CR1L: variants seen among roughly 807,000 people sequenced by gnomAD.
CR1L encodes complement component receptor 1-like protein.
A neutral mutation model predicts 62.3 loss-of-function variants in CR1L; 59 were observed. The observed-to-expected ratio is 0.95, with a 90% confidence interval of 0.77 to 1.18. CR1L has a LOEUF of 1.18. Among genes scored for constraint, CR1L ranks in the 50% most tolerant of loss-of-function variants. The pLI is 0.00. For synonymous variants in CR1L, 279 were observed against 248.7 expected (o/e 1.12, Z -1.15); for missense variants, 700 against 702.8 (o/e 1.00, Z 0.04).
At position 207,709,294 on chromosome 1, in the gene CR1L, T is replaced by C. The variant is rs143102859; in HGVS notation, c.1414+1031T>C. 6.3e-3 allele frequency: 979 copies of C among 156,026 alleles called. 6 individuals carry two copies. The highest frequency in any genetic ancestry group is 0.021 in the African/African-American group (881 of 41,546). 9.7% of individuals were successfully genotyped at this position (156,026 alleles called of 1,614,324 possible). Reference sequence around the variant, plus strand: ...TGGCACACGCCTGTAGTCCCAACTATTCGGGAGACTGAGAGGTGGGAGGAT... The same window carrying C: ...TGGCACACGCCTGTAGTCCCAACTACTCGGGAGACTGAGAGGTGGGAGGAT... On this transcript the variant is annotated intron_variant, in intron 10 of 11. Coordinates refer to ENST00000508064, the MANE Select transcript of CR1L (RefSeq NM_175710.2).
chr1:207,645,447 C>G, intron 1 of CR1L, 117 bp downstream of exon 1: 1 of 1,196,272 alleles, frequency 8.4e-7, no homozygotes, highest in East Asian at 2.4e-5. Context: ...GGATAGAGAG[C>G]GAGGCCAGGG....
intron 4 of CR1L, among the ~76,000 whole-genome samples, chr1:207,689,815 T>A (rs1663969116): frequency 6.6e-6 from 1 of 152,082 alleles, no homozygotes; most frequent in Non-Finnish European, 1.5e-5. Flanking sequence ...TATTATTTTA[T>A]ATCGTATTGA....
At position 207,717,623 on chromosome 1, in the gene CR1L, C is replaced by A; in HGVS notation, c.1574C>A (p.Thr525Lys). The A allele has an allele frequency of 6.2e-7, 1 of 1,613,974 alleles. No homozygotes were observed. The highest frequency in any genetic ancestry group is 8.5e-7 in the Non-Finnish European group (1 of 1,179,880). ...ATTGGGGAGAGCACCATCCGCCGCA[C>A]AAGTGAACCTCATGGGAATGGGGTT... is the stretch of plus-strand genomic sequence containing the variant. ...NLIGESTIRRTSEPHGNGVWS... is the reference protein window; with the variant it reads ...NLIGESTIRRKSEPHGNGVWS... Residue 525 changes from threonine to lysine, a missense_variant, in exon 11 of 12, where the codon ACA becomes AAA. By Grantham distance (78) the Thr-to-Lys change is moderately conservative. Coordinates refer to ENST00000508064, the MANE Select transcript of CR1L (RefSeq NM_175710.2).
At chr1:207,685,276 C>A (rs189255829) in intron 4 of CR1L, among the ~76,000 whole-genome samples, 3 of 152,168 alleles carry the variant, frequency 2.0e-5, no homozygotes, top group African/African-American at 7.2e-5. Flanking sequence ...CTTTTGACTG[C>A]GTAGCATGGT....
intron 4 of CR1L, among the ~76,000 whole-genome samples, chr1:207,687,078 C>T (rs372680424): frequency 1.1e-4 from 17 of 152,294 alleles, no homozygotes; most frequent in South Asian, 8.3e-4. Flanking sequence ...CAATTAATTC[C>T]GGAACACTTT....
intron 4 of CR1L, among the ~76,000 whole-genome samples, chr1:207,688,800 A>C (rs1663951881): frequency 6.6e-6 from 1 of 152,080 alleles, no homozygotes; most frequent in African/African-American, 2.4e-5. Context: ...ATCTTTCATT[A>C]TCTTTATTAC....
chr1:207,711,830 C>T (rs370017798), intron 10 of CR1L, among the ~76,000 whole-genome samples: 38 of 149,318 alleles, frequency 2.5e-4, no homozygotes, highest in African/African-American at 6.2e-4. Flanking sequence ...ACCTGGGACG[C>T]GGAGGTTGCA....
At chr1:207,655,298 T>G in intron 1 of CR1L, 2 of 623,980 alleles carry the variant, frequency 3.2e-6, no homozygotes, top group African/African-American at 3.8e-5. Flanking sequence ...TTTTTTTTTT[T>G]TTTTTAATTC....
intron 11 of CR1L, among the ~76,000 whole-genome samples, chr1:207,722,136 G>A (rs1377326745): frequency 2.6e-5 from 2 of 78,232 alleles, no homozygotes; most frequent in Admixed American, 1.8e-4. Flanking sequence ...CTCCCATTTT[G>A]TAGGTTGCCT....
chr1:207,717,069 T>A (rs1452048891), intron 10 of CR1L, among the ~76,000 whole-genome samples: 2 of 152,236 alleles, frequency 1.3e-5, no homozygotes, highest in Non-Finnish European at 2.9e-5. Flanking sequence ...TTCATAGATT[T>A]CCTTGGAACT....
intron 1 of CR1L, among the ~76,000 whole-genome samples, chr1:207,663,249 C>G (rs1439020134): frequency 6.6e-6 from 1 of 152,204 alleles, no homozygotes; most frequent in Admixed American, 6.5e-5. Flanking sequence ...AGAGGTGGAG[C>G]CTACAGAGGC....
intron 1 of CR1L, among the ~76,000 whole-genome samples, chr1:207,648,442 G>C (rs1663169898): frequency 6.6e-6 from 1 of 152,184 alleles, no homozygotes; most frequent in Admixed American, 6.5e-5. Context: ...GCTAGGCAGA[G>C]AGAATACATG....
At chr1:207,697,952 G>T in intron 7 of CR1L, 79 bp downstream of exon 7, 1 of 1,592,706 alleles carries the variant, frequency 6.3e-7, no homozygotes, top group Non-Finnish European at 8.6e-7. Flanking sequence ...ATTTGATGTG[G>T]CTTAAAAAAA....
intron 3 of CR1L, among the ~76,000 whole-genome samples, chr1:207,680,479 A>ACAAAGAT (rs1663778004): frequency 6.6e-6 from 1 of 152,162 alleles, no homozygotes; most frequent in African/African-American, 2.4e-5. Flanking sequence ...AGTAAAGTGT[A>ACAAAGAT]CCTGGGATCT....
chr1:207,715,417 T>C, intron 10 of CR1L: 2 of 1,443,246 alleles, frequency 1.4e-6, no homozygotes, highest in Non-Finnish European at 1.9e-6. Context: ...AAGAACTACG[T>C]AGTTTGGATA....
rs1663332816 is a variant in CR1L, at chr1:207,657,325, C to T, written c.97+11995C>T. 3 of 1,021,380 alleles carry T rather than the reference C, an allele frequency of 2.9e-6. No individual in the cohort carries two copies. In the East Asian group the frequency reaches 7.1e-5, roughly 24 times the overall value. 63.3% of individuals were successfully genotyped at this position (1,021,380 alleles called of 1,614,324 possible). ...ATGCTGCTCCAGAGTGTAAAAGTCACCTTTCAATTTATTTCCTTCTTCATC... is the reference window on the plus strand; with the variant it reads ...ATGCTGCTCCAGAGTGTAAAAGTCATCTTTCAATTTATTTCCTTCTTCATC... On this transcript the variant is annotated intron_variant, in intron 1 of 11. Transcript: ENST00000508064.
At chr1:207,663,427 G>T (rs959712219) in intron 1 of CR1L, among the ~76,000 whole-genome samples, 2 of 152,248 alleles carry the variant, frequency 1.3e-5, no homozygotes, top group Admixed American at 1.3e-4. Flanking sequence ...CTCCGTGGGC[G>T]TAGGACCCTC....
At chr1:207,669,616 G>A in intron 1 of CR1L, 3 of 1,142,076 alleles carry the variant, frequency 2.6e-6, no homozygotes, top group South Asian at 1.3e-5. Flanking sequence ...AGGCACCCAG[G>A]GCCCCGCAGA....
At chr1:207,710,552 G>A in intron 10 of CR1L, 1 of 1,609,634 alleles carries the variant, frequency 6.2e-7, no homozygotes, top group Non-Finnish European at 8.5e-7. Context: ...CAGCAAAGAT[G>A]ATCAAGTGGT....
Sources: gnomAD v4.1 joint callset for allele counts (sites outside exome capture counted in the v4.1 genomes callset) on GRCh38, gnomAD v4.1.1 for gene constraint, MANE v1.5 for transcripts, NCBI Gene and HGNC (gene_info 2026-07-23, HGNC 2026-07-21) for gene names.